TLE1: variants seen among roughly 807,000 people sequenced by gnomAD.
The protein encoded by TLE1 is TLE family member 1, transcriptional corepressor.
Under a neutral mutation model 89.8 loss-of-function variants are expected in TLE1, and 21 were observed. That is an observed-to-expected ratio of 0.23 (90% CI 0.17 to 0.34). The LOEUF is 0.34. Among genes scored for constraint, TLE1 ranks in the 10% least tolerant of loss-of-function variants. The pLI is 1.00. For synonymous variants in TLE1, 447 were observed against 407.6 expected (o/e 1.10, Z -1.16); for missense variants, 795 against 1,031.2 (o/e 0.77, Z 3.14).
chr9:81,584,522 T>C lies in TLE1; in HGVS notation c.2131A>G (p.Lys711Glu). 1.9e-6 allele frequency: 3 copies of C among 1,614,084 alleles called. No homozygotes were observed. The highest frequency in any genetic ancestry group is 2.5e-6 in the Non-Finnish European group (3 of 1,179,988). The part of the protein sequence containing the change: ...VLSLKFAYCG[K>E]WFVSTGKDNL... ...TCTTTTCCAGTACTCACAAACCATTTACCTAGAATTAGCAAAGGAATATCT... is the reference window on the plus strand; with the variant it reads ...TCTTTTCCAGTACTCACAAACCATTCACCTAGAATTAGCAAAGGAATATCT... Residue 711 changes from lysine (K) to glutamate (E), a missense_variant and splice_region_variant, in exon 19 of 20, where the codon AAA (lysine) becomes GAA (glutamate). Coordinates refer to ENST00000376499, the MANE Select transcript of TLE1 (RefSeq NM_005077.5).
At chr9:81,652,319 G>C (rs535034085) in intron 5 of TLE1, 31 bp from the exon 6 acceptor site, 4 of 1,597,944 alleles carry the variant, frequency 2.5e-6, no homozygotes, top group Admixed American at 1.7e-5. Context: ...AAGGGCATTA[G>C]CAACAGCCAA....
chr9:81,654,950 G>T (rs1257923315), intron 4 of TLE1, among the ~76,000 whole-genome samples: 2 of 152,158 alleles, frequency 1.3e-5, no homozygotes, highest in Non-Finnish European at 2.9e-5. Flanking sequence ...ATGATATCCT[G>T]AGTATTCGGA....
At chr9:81,637,218 C>T (rs937733020) in intron 6 of TLE1, among the ~76,000 whole-genome samples, 2 of 151,560 alleles carry the variant, frequency 1.3e-5, no homozygotes, top group Admixed American at 6.6e-5. Flanking sequence ...ATTAGCCGGG[C>T]GTGGTGGTGC....
intron 4 of TLE1, among the ~76,000 whole-genome samples, chr9:81,662,744 C>T (rs942536120): frequency 2.0e-5 from 3 of 151,542 alleles, no homozygotes; most frequent in Admixed American, 2.0e-4. Flanking sequence ...AAATTGATAT[C>T]CAAAATTAAG....
At chr9:81,591,119 T>C in intron 15 of TLE1, 67 bp from the exon 16 acceptor site, 6 of 1,559,196 alleles carry the variant, frequency 3.8e-6, no homozygotes, top group East Asian at 2.3e-5. Flanking sequence ...TGTTCTCTAA[T>C]GGCTGTCTTG....
intron 8 of TLE1, among the ~76,000 whole-genome samples, chr9:81,622,897 G>T (rs1210884278): frequency 6.6e-6 from 1 of 152,174 alleles, no homozygotes; most frequent in African/African-American, 2.4e-5. Flanking sequence ...CCACGCAGCT[G>T]CCGGACGCCC....
At position 81,614,099 on chromosome 9, in the gene TLE1, G is replaced by A. The variant is rs1254574798; in HGVS notation, c.919-578C>T. Among the ~76,000 whole-genome samples the A allele has an allele frequency of 2.6e-5, 4 of 151,900 alleles. No homozygotes were observed. In the South Asian group the frequency reaches 8.3e-4, roughly 32 times the overall value. ...ATTTTTTTGTATTTTTAGTGGAGAC[G>A]GGGTTTCACCATGTTAGCCAGGATG... On this transcript the variant is annotated intron_variant, in intron 11 of 19. Transcript: ENST00000376499.
chr9:81,688,261 C>T lies in TLE1; in HGVS notation c.-21G>A, dbSNP rs773729520. On this transcript the variant is annotated 5_prime_UTR_variant, in exon 1 of 20. Transcript: ENST00000376499. ...AACATCGCTCTGGCGGCGGCCGGGG[C>T]TCTGTTCCCCGGCAACTCAATTCTC... 10 of 1,569,770 alleles carry T rather than the reference C, an allele frequency of 6.4e-6. No individual in the cohort carries two copies. The highest frequency in any genetic ancestry group is 8.6e-6 in the Non-Finnish European group (10 of 1,161,284).
At chr9:81,648,186 C>G (rs1829099084) in intron 6 of TLE1, among the ~76,000 whole-genome samples, 1 of 150,654 alleles carries the variant, frequency 6.6e-6, no homozygotes, top group Non-Finnish European at 1.5e-5. Context: ...GCAGGAGAAT[C>G]ACTGGAACCC....
intron 4 of TLE1, among the ~76,000 whole-genome samples, chr9:81,667,034 C>T (rs1831556022): frequency 6.6e-6 from 1 of 152,000 alleles, no homozygotes; most frequent in South Asian, 2.1e-4. Flanking sequence ...CAAAGGATCA[C>T]TTGTTCGGAG....
chr9:81,603,376 A>G (rs1563952953), intron 14 of TLE1, among the ~76,000 whole-genome samples: 1 of 152,116 alleles, frequency 6.6e-6, no homozygotes, highest in Non-Finnish European at 1.5e-5. Flanking sequence ...CCCTTTCGGT[A>G]TATTGGTTAT....
intron 8 of TLE1, among the ~76,000 whole-genome samples, chr9:81,627,924 G>A (rs1260516052): frequency 1.3e-5 from 2 of 152,062 alleles, no homozygotes; most frequent in Non-Finnish European, 2.9e-5. Flanking sequence ...TTTAAAAAGG[G>A]AGAGAAAACC....
chr9:81,651,556 T>C (rs11139357), intron 6 of TLE1, among the ~76,000 whole-genome samples: 7,972 of 152,168 alleles, frequency 0.052, 702 homozygotes, highest in African/African-American at 0.18. Context: ...TTCATTGGTG[T>C]GTGACTTAAA....
intron 4 of TLE1, among the ~76,000 whole-genome samples, chr9:81,660,921 C>A (rs1055121013): frequency 7.3e-6 from 1 of 136,540 alleles, no homozygotes; most frequent in Non-Finnish European, 1.6e-5. Flanking sequence ...ACGGTGAAAC[C>A]CCATCCCTAC....
intron 4 of TLE1, among the ~76,000 whole-genome samples, chr9:81,684,363 G>C (rs959706394): frequency 6.6e-6 from 1 of 150,852 alleles, no homozygotes; most frequent in Admixed American, 6.7e-5. Context: ...AGTAAAATCT[G>C]CATTTTTAAA....
At chr9:81,615,111 AAAAAAAAAAAGAAGAAG>A (rs1824275402) in intron 11 of TLE1, among the ~76,000 whole-genome samples, 1 of 124,030 alleles carries the variant, frequency 8.1e-6, no homozygotes, top group African/African-American at 3.6e-5. Flanking sequence ...AAAAAAAAAA[AAAAAAAAAAAGAAGAAG>A]AAGAAGAAGG....
At chr9:81,587,548 G>T (rs1828694430) in intron 17 of TLE1, 133 bp downstream of exon 17, 1 of 1,235,220 alleles carries the variant, frequency 8.1e-7, no homozygotes, top group Non-Finnish European at 1.1e-6. Flanking sequence ...TTTTAAATTA[G>T]TTATCTCAAA....
chr9:81,642,049 T>G (rs1209528989), intron 6 of TLE1, among the ~76,000 whole-genome samples: 2 of 150,830 alleles, frequency 1.3e-5, no homozygotes, highest in East Asian at 3.9e-4. Context: ...AAGAAAGAAA[T>G]GTCACCTCAA....
rs141391384 is a variant in TLE1, at chr9:81,616,657, C to T, written c.754G>A (p.Val252Met). ...DKSDDNLVVD[V>M]SNEDPSSPRA... ...AAAAGAATGGTTACCTCATTAGACACATCCACAACTAAGTTGTCATCGCTT... is the reference window on the plus strand; with the variant it reads ...AAAAGAATGGTTACCTCATTAGACATATCCACAACTAAGTTGTCATCGCTT... Residue 252 changes from valine to methionine, a missense_variant, in exon 10 of 20, where the codon GTG becomes ATG. This residue lies in a region of TLE1 where 468 missense variants were observed against 509.1 expected (regional missense o/e 0.92). Transcript: ENST00000376499. 2 of 1,614,092 alleles carry T rather than the reference C, an allele frequency of 1.2e-6. No individual in the cohort carries two copies. The highest frequency in any genetic ancestry group is 1.1e-5 in the South Asian group (1 of 91,070).
Sources: gnomAD v4.1 joint callset for allele counts (sites outside exome capture counted in the v4.1 genomes callset) on GRCh38, gnomAD v4.1.1 for gene constraint, gnomAD v4.1.1 regional missense constraint, MANE v1.5 for transcripts, NCBI Gene and HGNC (gene_info 2026-07-23, HGNC 2026-07-21) for gene names.